The following RPTOR variants were observed in gnomAD, a reference collection of about 807,000 sequenced individuals.
The protein encoded by RPTOR is regulatory-associated protein of mTOR.
A neutral mutation model predicts 169.9 loss-of-function variants in RPTOR; 21 were observed. The ratio of observed to expected loss-of-function variants is 0.12; its 90% confidence interval spans 0.09 to 0.18. RPTOR has a LOEUF of 0.18. Ranked by LOEUF, RPTOR falls within the 10% of genes least tolerant of loss-of-function variation. RPTOR has a pLI of 1.00. For synonymous variants in RPTOR, 732 were observed against 753.2 expected (o/e 0.97, Z 0.46); for missense variants, 1,133 against 1,855.9 (o/e 0.61, Z 7.16).
chr17:80,729,939 G>C (rs117636997), intron 4 of RPTOR, among the ~76,000 whole-genome samples: 12,237 of 152,302 alleles, frequency 0.08, 651 homozygotes, highest in Non-Finnish European at 0.11. Flanking sequence ...GTTCCATGGA[G>C]GGAGGTCCCG....
Position 80,603,789 on chromosome 17 carries a change from A to T in RPTOR, c.163-21902A>T, listed in dbSNP as rs140552830. 3.4e-3 allele frequency among the ~76,000 whole-genome samples: 520 copies of T among 152,352 alleles called. 1 individual carries two copies. The highest frequency in any genetic ancestry group is 0.01 in the African/African-American group (428 of 41,582). ...GTAGTGAAATGTTGCCAGCCAAAGA[A>T]GCGCATCCGAGACTTAGCCCCCAGG... On this transcript the variant is annotated intron_variant, in intron 1 of 33. Coordinates refer to ENST00000306801, the MANE Select transcript of RPTOR (RefSeq NM_020761.3).
At chr17:80,774,246 T>C (rs1470069637) in intron 6 of RPTOR, 2 of 985,416 alleles carry the variant, frequency 2.0e-6, no homozygotes, top group East Asian at 2.3e-4. Context: ...CGTGTGATGA[T>C]GATGCTCACG....
chr17:80,932,499 C>A (rs2068910030), intron 24 of RPTOR, among the ~76,000 whole-genome samples: 1 of 152,104 alleles, frequency 6.6e-6, no homozygotes, highest in Non-Finnish European at 1.5e-5. Context: ...GACCTAAAGG[C>A]ATTGACAGCA....
intron 12 of RPTOR, among the ~76,000 whole-genome samples, chr17:80,856,709 G>A (rs996378006): frequency 3.3e-5 from 5 of 152,180 alleles, no homozygotes; most frequent in South Asian, 2.1e-4. Flanking sequence ...AAAGGCCTGC[G>A]TGGTATTGCG....
chr17:80,786,578 G>A (rs1270784455), intron 6 of RPTOR, among the ~76,000 whole-genome samples: 1 of 152,198 alleles, frequency 6.6e-6, no homozygotes, highest in Non-Finnish European at 1.5e-5. Flanking sequence ...CATGTGGCTG[G>A]ATACCATTCA....
At chr17:80,665,646 G>A (rs1357835075) in intron 3 of RPTOR, among the ~76,000 whole-genome samples, 2 of 150,874 alleles carry the variant, frequency 1.3e-5, no homozygotes, top group African/African-American at 2.4e-5. Flanking sequence ...CCAGGTTCAC[G>A]CCATTCTCCT....
intron 9 of RPTOR, among the ~76,000 whole-genome samples, chr17:80,833,991 A>G (rs1434460269): frequency 6.6e-6 from 1 of 152,218 alleles, no homozygotes; most frequent in East Asian, 1.9e-4. Context: ...TCCGTCTCAA[A>G]AAACAAAACA....
At chr17:80,760,304 TTTC>T (rs1322816454) in intron 6 of RPTOR, among the ~76,000 whole-genome samples, 2,823 of 136,908 alleles carry the variant, frequency 0.021, 130 homozygotes, top group African/African-American at 0.074. Context: ...TTTTTTCTTT[TTTC>T]TTTTTTTTTT....
At chr17:80,767,142 G>A (rs1375090852) in intron 6 of RPTOR, among the ~76,000 whole-genome samples, 1 of 152,220 alleles carries the variant, frequency 6.6e-6, no homozygotes, top group Non-Finnish European at 1.5e-5. Context: ...GGAGGCCGAG[G>A]CAGGTGGATC....
intron 9 of RPTOR, among the ~76,000 whole-genome samples, chr17:80,833,229 C>T (rs560366724): frequency 6.6e-6 from 1 of 152,350 alleles, no homozygotes; most frequent in Non-Finnish European, 1.5e-5. Context: ...GAAAACCCAG[C>T]TCTTGCCTGG....
intron 5 of RPTOR, among the ~76,000 whole-genome samples, chr17:80,753,637 A>AAT (rs1186699545): frequency 6.6e-6 from 1 of 151,210 alleles, no homozygotes; most frequent in African/African-American, 2.4e-5. Context: ...CGTCTCAAAA[A>AAT]AAAAAAAAAA....
rs2068153181 is a variant in RPTOR, at chr17:80,878,940, C to A, written c.1510-1475C>A. Among the ~76,000 whole-genome samples the A allele has an allele frequency of 6.6e-6, 1 of 152,174 alleles. No individual in the cohort carries two copies. Among genetic ancestry groups the A allele is most frequent in the Non-Finnish European group, 1.5e-5 (1 of 68,032 alleles). ...ACGCCCACAGGACCCTCGGAAGCCC[C>A]TTCCTCTAGGGGCCCGTCCCTCCTC... On this transcript the variant is annotated intron_variant, in intron 13 of 33. Coordinates refer to ENST00000306801, the MANE Select transcript of RPTOR (RefSeq NM_020761.3). The surrounding 1 kb of genome is among the most constrained non-coding windows in gnomAD (Gnocchi z 4.1).
intron 7 of RPTOR, among the ~76,000 whole-genome samples, chr17:80,794,761 T>C (rs2672889): frequency 0.7 from 106,283 of 152,172 alleles, 37,385 homozygotes; most frequent in African/African-American, 0.77. Flanking sequence ...CACCGCCATT[T>C]GGGCGGTTCC....
intron 5 of RPTOR, among the ~76,000 whole-genome samples, chr17:80,731,346 C>T (rs2066391496): frequency 6.6e-6 from 1 of 152,054 alleles, no homozygotes; most frequent in Non-Finnish European, 1.5e-5. Flanking sequence ...AATGGACCCA[C>T]AGCTTCAGTT....
intron 5 of RPTOR, among the ~76,000 whole-genome samples, chr17:80,742,669 A>G (rs917238069): frequency 8.6e-6 from 1 of 116,920 alleles, no homozygotes; most frequent in Non-Finnish European, 1.9e-5. Flanking sequence ...ATGCACATAC[A>G]CATACAGCCA....
chr17:80,696,704 G>A (rs184307042), intron 3 of RPTOR, among the ~76,000 whole-genome samples: 6 of 152,318 alleles, frequency 3.9e-5, no homozygotes, highest in Admixed American at 2.0e-4. Flanking sequence ...CAGGGATGCC[G>A]CCGAACTCAG....
At chr17:80,816,855 G>A (rs534240511) in intron 7 of RPTOR, among the ~76,000 whole-genome samples, 9 of 152,290 alleles carry the variant, frequency 5.9e-5, no homozygotes, top group Admixed American at 2.0e-4. Flanking sequence ...AGGCCCCAGC[G>A]GCCACTGCAT....
chr17:80,751,010 T>C (rs185338853), intron 5 of RPTOR, among the ~76,000 whole-genome samples: 190 of 152,348 alleles, frequency 1.2e-3, no homozygotes, highest in African/African-American at 4.4e-3. Flanking sequence ...TGATTTGTAC[T>C]CTGGGTTTAA....
intron 2 of RPTOR, among the ~76,000 whole-genome samples, chr17:80,627,641 T>C (rs540535488): frequency 1.5e-4 from 23 of 152,334 alleles, no homozygotes; most frequent in African/African-American, 5.1e-4. Context: ...TAGTAGTTTT[T>C]TTCCTTTATT....
Sources: allele counts gnomAD v4.1 joint callset (sites outside exome capture counted in the v4.1 genomes callset), GRCh38; gene constraint gnomAD v4.1.1; non-coding constraint Gnocchi (gnomAD v3.1); transcripts MANE v1.5; gene names NCBI Gene and HGNC (gene_info 2026-07-23, HGNC 2026-07-21).